Variants in PCDHGA2 observed in about 807,000 individuals in gnomAD.
PCDHGA2 encodes protocadherin gamma subfamily A, 2.
A neutral mutation model predicts 59.2 loss-of-function variants in PCDHGA2; 40 were observed. The observed-to-expected ratio is 0.68, with a 90% CI of 0.52 to 0.88. The LOEUF (loss-of-function observed/expected upper bound fraction) is 0.88. Among genes scored for constraint, PCDHGA2 ranks in the 40% least tolerant of loss-of-function variants. The pLI, the probability that PCDHGA2 is intolerant of heterozygous loss-of-function variation, is 0.00. For missense variants in PCDHGA2, 1,226 were observed against 1,204.0 expected (o/e 1.02, Z -0.27); for synonymous variants, 560 against 526.0 (o/e 1.06, Z -0.89).
At chr5:141,397,912 A>G in intron 1 of PCDHGA2, 2 of 686,532 alleles carry the variant, frequency 2.9e-6, no homozygotes, top group Non-Finnish European at 4.8e-6. Flanking sequence ...TTGGCGCTCC[A>G]GATCTCCTCG....
intron 1 of PCDHGA2, chr5:141,471,300 C>T (rs2099254628): frequency 6.6e-6 from 1 of 152,190 alleles, no homozygotes; most frequent in African/African-American, 2.4e-5. Context: ...ATCCACCCAA[C>T]TCGGCCTCCC....
intron 1 of PCDHGA2, chr5:141,410,309 T>G: frequency 6.2e-7 from 1 of 1,613,998 alleles, no homozygotes; most frequent in Non-Finnish European, 8.5e-7. Flanking sequence ...CTCAGTGCTC[T>G]TCCTCCTCGC....
intron 1 of PCDHGA2, chr5:141,433,104 A>G: frequency 6.2e-7 from 1 of 1,614,214 alleles, no homozygotes; most frequent in Non-Finnish European, 8.5e-7. Flanking sequence ...CTCGTCAGCC[A>G]GGAGAGCTTT....
At chr5:141,397,395 C>G (rs1382237446) in intron 1 of PCDHGA2, among the ~76,000 whole-genome samples, 1 of 152,048 alleles carries the variant, frequency 6.6e-6, no homozygotes, top group Non-Finnish European at 1.5e-5. Flanking sequence ...ATTGCCACAA[C>G]TTTACAAAAT....
intron 1 of PCDHGA2, chr5:141,351,722 C>G (rs777803553): frequency 6.2e-7 from 1 of 1,613,810 alleles, no homozygotes; most frequent in East Asian, 2.2e-5. Flanking sequence ...CTACTCTATT[C>G]TGGCCAGTGA....
In PCDHGA2 at chr5:141,486,474, C is replaced by T. The variant is rs1594589698; in HGVS notation, c.2425-8333C>T. On this transcript the variant is annotated intron_variant, in intron 1 of 3. Transcript: ENST00000394576. This position sits in a 1 kb window ranked among gnomAD's most constrained non-coding sequence, Gnocchi z 5.0. ...ACTGCTTCTGATGCTGGGAACCCTCCTCTCAGTACCCACAGAACTATTTTC... is the reference window on the plus strand; with the variant it reads ...ACTGCTTCTGATGCTGGGAACCCTCTTCTCAGTACCCACAGAACTATTTTC... 1 of 1,614,016 alleles carries T rather than the reference C, an allele frequency of 6.2e-7. No homozygotes were observed. Among genetic ancestry groups the T allele is most frequent in the South Asian group, 1.1e-5 (1 of 91,082 alleles).
chr5:141,390,665 TA>T, intron 1 of PCDHGA2: 1 of 192,900 alleles, frequency 5.2e-6, no homozygotes, highest in Non-Finnish European at 1.1e-5. Flanking sequence ...ACCATAAATA[TA>T]AAAATAATAA....
chr5:141,439,211 A>G (rs1438403213), intron 1 of PCDHGA2, among the ~76,000 whole-genome samples: 1 of 151,666 alleles, frequency 6.6e-6, no homozygotes, highest in Non-Finnish European at 1.5e-5. Flanking sequence ...AAAAATCCAT[A>G]TGTGAAAATT....
At chr5:141,470,862 G>T (rs1363111218) in intron 1 of PCDHGA2, among the ~76,000 whole-genome samples, 1 of 151,596 alleles carries the variant, frequency 6.6e-6, no homozygotes, top group Non-Finnish European at 1.5e-5. Context: ...TAAGTTTTTT[G>T]TTTGTTTGTT....
intron 1 of PCDHGA2, chr5:141,413,001 G>A (rs2095597089): frequency 1.7e-6 from 1 of 592,790 alleles, no homozygotes; most frequent in Non-Finnish European, 2.8e-6. Flanking sequence ...CGGATTCTCA[G>A]GGCTTCAACT....
At chr5:141,346,407 C>CT (rs1257691248) in intron 1 of PCDHGA2, 1 of 1,614,270 alleles carries the variant, frequency 6.2e-7, no homozygotes, top group Admixed American at 1.7e-5. Context: ...CGAGCCTCTT[C>CT]TGATAACTCA....
intron 1 of PCDHGA2, chr5:141,367,368 TCTA>T (rs1266563786): frequency 1.3e-5 from 2 of 151,884 alleles, no homozygotes; most frequent in Non-Finnish European, 2.9e-5. Flanking sequence ...GAAACCCTGT[TCTA>T]CTAAAAATAC....
At chr5:141,413,950 T>C (rs1448967281) in intron 1 of PCDHGA2, 1 of 1,613,264 alleles carries the variant, frequency 6.2e-7, no homozygotes. Context: ...TCCTGAGAAT[T>C]TGCCTGTGGG....
At chr5:141,343,164 T>C in intron 1 of PCDHGA2, 2 of 347,476 alleles carry the variant, frequency 5.8e-6, no homozygotes, top group Non-Finnish European at 8.1e-6. Flanking sequence ...GTGTCTATAT[T>C]GTTCACCTTA....
At chr5:141,405,179 G>A (rs2094620573) in intron 1 of PCDHGA2, 1 of 1,614,028 alleles carries the variant, frequency 6.2e-7, no homozygotes, top group South Asian at 1.1e-5. Context: ...CTTTGTGGGT[G>A]TAGATGGGGT....
chr5:141,350,919 G>C (rs764794387), intron 1 of PCDHGA2: 1 of 1,614,098 alleles, frequency 6.2e-7, no homozygotes, highest in East Asian at 2.2e-5. Context: ...CCGCCTCTAA[G>C]CGGCACCACC....
At position 141,431,056 on chromosome 5, in the gene PCDHGA2, C is replaced by T; in HGVS notation, c.2425-63751C>T. ...ACCGGGAGGAGCTCTGTATGGGGGC[C>T]ATCAAGTGTCAATTAAATCTAGACA... On this transcript the variant is annotated intron_variant, in intron 1 of 3. Transcript: ENST00000394576. The surrounding 1 kb of genome is among the most constrained non-coding windows in gnomAD (Gnocchi z 4.8). 1 of 1,614,126 alleles carries T rather than the reference C, an allele frequency of 6.2e-7. No homozygotes were observed. The highest frequency in any genetic ancestry group is 8.5e-7 in the Non-Finnish European group (1 of 1,180,000).
In PCDHGA2 at chr5:141,341,386, G is replaced by C. The variant is rs770955944; in HGVS notation, c.2415G>C (p.Thr805=). ...TACTCGAAGAAGAAAGAGAAGAAAC[G>C]TTTTCTCAGGTAATCTATCTTTTCA... is the stretch of plus-strand genomic sequence containing the variant. ...QSLLEEEREE[T]FSQQAPPNTD... Residue 805 remains threonine (T), a synonymous_variant, in exon 1 of 4, where the codon ACG becomes ACC. Transcript: ENST00000394576. 20 of 1,614,166 alleles carry C rather than the reference G, an allele frequency of 1.2e-5. No homozygotes were observed. The South Asian group carries it at 2.0e-4, about 16-fold the overall frequency.
At chr5:141,364,315 G>A (rs371423509) in intron 1 of PCDHGA2, 156 of 1,524,232 alleles carry the variant, frequency 1.0e-4, no homozygotes, top group Non-Finnish European at 1.2e-4. Flanking sequence ...AGAGAAAATT[G>A]GGCAGAGAGA....
Sources: gnomAD v4.1 joint callset for allele counts (sites outside exome capture counted in the v4.1 genomes callset) on GRCh38, gnomAD v4.1.1 for gene constraint, Gnocchi (gnomAD v3.1) non-coding constraint, MANE v1.5 for transcripts, NCBI Gene and HGNC (gene_info 2026-07-23, HGNC 2026-07-21) for gene names.